Variants in ANO10 observed in about 807,000 individuals in gnomAD.
ANO10 encodes anoctamin-10.
Under a neutral mutation model 74.7 loss-of-function variants are expected in ANO10, and 77 were observed. That is an observed-to-expected ratio of 1.03 (90% CI 0.86 to 1.25). The LOEUF is 1.25. ANO10 is among the 50% of genes most tolerant of loss of function. The pLI is 0.00. For missense variants in ANO10, 721 were observed against 778.1 expected (o/e 0.93, Z 0.87); for synonymous variants, 279 against 284.9 (o/e 0.98, Z 0.21).
intron 10 of ANO10, among the ~76,000 whole-genome samples, chr3:43,553,590 G>A (rs1349944678): frequency 6.7e-6 from 1 of 149,288 alleles, no homozygotes; most frequent in African/African-American, 2.5e-5. Flanking sequence ...GGGCTGGAGT[G>A]CAGTGGCGCA....
At chr3:43,580,693 C>T (rs2081227818) in intron 4 of ANO10, among the ~76,000 whole-genome samples, 1 of 151,980 alleles carries the variant, frequency 6.6e-6, no homozygotes, top group Non-Finnish European at 1.5e-5. Context: ...AATTTTAAAC[C>T]ATATAGAAGT....
chr3:43,554,278 C>G (rs2079628657), intron 10 of ANO10, among the ~76,000 whole-genome samples: 1 of 150,694 alleles, frequency 6.6e-6, no homozygotes, highest in Non-Finnish European at 1.5e-5. Context: ...ACTGCAATCT[C>G]TGCCTCTCGG....
intron 11 of ANO10, among the ~76,000 whole-genome samples, chr3:43,537,672 T>C (rs1365658098): frequency 2.0e-5 from 3 of 150,724 alleles, no homozygotes; most frequent in South Asian, 2.1e-4. Context: ...ATACGTCAGA[T>C]AGGAAGAAAT....
At chr3:43,668,311 T>C (rs1263395683) in intron 1 of ANO10, among the ~76,000 whole-genome samples, 2 of 152,170 alleles carry the variant, frequency 1.3e-5, no homozygotes, top group Non-Finnish European at 2.9e-5. Context: ...TTGAGTTTCT[T>C]GTAGATTCTG....
chr3:43,632,394 G>C (rs2083557801), intron 1 of ANO10, among the ~76,000 whole-genome samples: 1 of 152,246 alleles, frequency 6.6e-6, no homozygotes, highest in Admixed American at 6.5e-5. Flanking sequence ...CTGAGTCATG[G>C]CAAGCTGGCC....
intron 1 of ANO10, among the ~76,000 whole-genome samples, chr3:43,637,043 G>A (rs1489149448): frequency 1.3e-5 from 2 of 152,168 alleles, no homozygotes; most frequent in Non-Finnish European, 1.5e-5. Context: ...GGTGGTGCAT[G>A]CCTGCAGTCC....
chr3:43,443,749 C>T (rs547015216), intron 11 of ANO10, among the ~76,000 whole-genome samples: 4 of 140,322 alleles, frequency 2.9e-5, no homozygotes, highest in South Asian at 2.2e-4. Flanking sequence ...GGCACAGTCT[C>T]GGCTCACTGC....
intron 12 of ANO10, among the ~76,000 whole-genome samples, chr3:43,386,905 G>GAGGA (rs2092137477): frequency 6.6e-6 from 1 of 152,188 alleles, no homozygotes. Flanking sequence ...TCTCCACTGG[G>GAGGA]AGGACAGAGG....
At chr3:43,634,729 C>T (rs2149560605) in intron 1 of ANO10, among the ~76,000 whole-genome samples, 1 of 152,228 alleles carries the variant, frequency 6.6e-6, no homozygotes, top group East Asian at 1.9e-4. Context: ...TGATCCTTGC[C>T]CTCACTGAGC....
chr3:43,487,514 C>A (rs1267132498), intron 11 of ANO10, among the ~76,000 whole-genome samples: 1 of 151,962 alleles, frequency 6.6e-6, no homozygotes, highest in African/African-American at 2.4e-5. Context: ...GATTCAACTT[C>A]TTCCTGGTTT....
intron 12 of ANO10, among the ~76,000 whole-genome samples, chr3:43,367,873 G>A (rs547005349): frequency 1.3e-5 from 2 of 152,248 alleles, no homozygotes; most frequent in South Asian, 2.1e-4. Context: ...ACAAAACTCT[G>A]AGCGCAAACA....
intron 1 of ANO10, among the ~76,000 whole-genome samples, chr3:43,666,384 G>C (rs981072554): frequency 5.3e-5 from 8 of 152,122 alleles, no homozygotes; most frequent in Admixed American, 5.2e-4. Context: ...CTCGTAATTA[G>C]TTTTCTGTAA....
At chr3:43,542,871 C>A (rs947922275) in intron 11 of ANO10, among the ~76,000 whole-genome samples, 1 of 152,236 alleles carries the variant, frequency 6.6e-6, no homozygotes, top group East Asian at 1.9e-4. Flanking sequence ...ACATATACAA[C>A]CTCATCTATG....
intron 4 of ANO10, among the ~76,000 whole-genome samples, chr3:43,593,353 C>G (rs2081903970): frequency 6.6e-6 from 1 of 152,152 alleles, no homozygotes; most frequent in Non-Finnish European, 1.5e-5. Context: ...TAAGGGTAGA[C>G]AGAGAGAAAG....
intron 11 of ANO10, among the ~76,000 whole-genome samples, chr3:43,546,180 C>T (rs1203274777): frequency 6.6e-6 from 1 of 152,114 alleles, no homozygotes; most frequent in African/African-American, 2.4e-5. Context: ...AGAGAGGACC[C>T]ATCTGTGCCA....
At chr3:43,543,351 T>A (rs990107827) in intron 11 of ANO10, among the ~76,000 whole-genome samples, 1 of 152,184 alleles carries the variant, frequency 6.6e-6, no homozygotes, top group South Asian at 2.1e-4. Context: ...AGAGGATACT[T>A]CTGGTATTAC....
At chr3:43,619,910 G>A (rs933718778) in intron 1 of ANO10, among the ~76,000 whole-genome samples, 9 of 149,048 alleles carry the variant, frequency 6.0e-5, no homozygotes, top group East Asian at 1.9e-4. Context: ...CCAAAATTCC[G>A]TAATTTCCTA....
rs200070352 is a variant in ANO10, at chr3:43,614,166, G to A, written c.-12+7743C>T. 1.1e-4 allele frequency among the ~76,000 whole-genome samples: 16 copies of A among 152,318 alleles called. No homozygotes were observed. In the East Asian group the frequency reaches 2.7e-3, roughly 26 times the overall value. On this transcript the variant is annotated intron_variant, in intron 1 of 12. Coordinates refer to ENST00000292246, the MANE Select transcript of ANO10 (RefSeq NM_018075.5). The stretch of plus-strand genomic sequence containing the variant: ...AAGGTCAACGTTTTTGAACATTTAT[G>A]CATTGTTCAATGTGAGTAATAAAAG...
chr3:43,673,642 G>C (rs2084086751), intron 1 of ANO10, among the ~76,000 whole-genome samples: 1 of 152,134 alleles, frequency 6.6e-6, no homozygotes, highest in Admixed American at 6.6e-5. Flanking sequence ...ATAAAAGTTT[G>C]AAGATCTGAA....
Sources: gnomAD v4.1 joint callset for allele counts (sites outside exome capture counted in the v4.1 genomes callset) on GRCh38, gnomAD v4.1.1 for gene constraint, MANE v1.5 for transcripts, NCBI Gene and HGNC (gene_info 2026-07-23, HGNC 2026-07-21) for gene names.